Variants in SGCZ observed in about 807,000 individuals in gnomAD.
The protein encoded by SGCZ is zeta-sarcoglycan.
In SGCZ, 40 loss-of-function variants were observed where a neutral mutation model predicts 41.3. The observed-to-expected ratio is 0.97, with a 90% confidence interval of 0.75 to 1.26. The LOEUF is 1.26. Ranked by LOEUF, SGCZ falls within the 50% of genes most tolerant of loss-of-function variation. The pLI is 0.00. For missense variants in SGCZ, 552 were observed against 369.8 expected (o/e 1.49, Z -4.04); for synonymous variants, 206 against 137.5 (o/e 1.50, Z -3.49).
intron 1 of SGCZ, among the ~76,000 whole-genome samples, chr8:14,817,611 A>C (rs1801946856): frequency 6.6e-6 from 1 of 152,064 alleles, no homozygotes; most frequent in Non-Finnish European, 1.5e-5. Flanking sequence ...CAGCACTACA[A>C]CTCTGGATGC....
In SGCZ at chr8:14,588,760, T is replaced by C. The variant is rs148331390; in HGVS notation, c.40-33834A>G. ...AAGAAATGTAGTCTGTGTAGTCTAA[T>C]AGATTGATAACAAAGAATTTTTTTA... On this transcript the variant is annotated intron_variant, in intron 1 of 7. Coordinates refer to ENST00000382080, the MANE Select transcript of SGCZ (RefSeq NM_139167.4). 7.5e-3 allele frequency among the ~76,000 whole-genome samples: 1,139 copies of C among 152,284 alleles called. 16 individuals are homozygous for C. The highest frequency in any genetic ancestry group is 0.026 in the African/African-American group (1,081 of 41,578).
chr8:14,540,587 A>T (rs1254141331), intron 2 of SGCZ, among the ~76,000 whole-genome samples: 3 of 151,852 alleles, frequency 2.0e-5, no homozygotes, highest in African/African-American at 7.2e-5. Flanking sequence ...CTCCAAAAAT[A>T]GCTATATTTT....
At chr8:14,821,765 T>A (rs566939388) in intron 1 of SGCZ, among the ~76,000 whole-genome samples, 1 of 151,952 alleles carries the variant, frequency 6.6e-6, no homozygotes, top group East Asian at 1.9e-4. Flanking sequence ...AAATTCAGCA[T>A]CCCTTCATGA....
intron 1 of SGCZ, among the ~76,000 whole-genome samples, chr8:14,613,069 G>A (rs937594603): frequency 5.3e-5 from 8 of 152,170 alleles, no homozygotes; most frequent in Non-Finnish European, 1.0e-4. Context: ...GCACAAGAGG[G>A]AGGCTGCACC....
intron 5 of SGCZ, among the ~76,000 whole-genome samples, chr8:14,122,171 G>C (rs933294051): frequency 2.0e-5 from 3 of 152,192 alleles, no homozygotes; most frequent in African/African-American, 7.2e-5. Context: ...CAGCTACTCG[G>C]GAGGCTGAGG....
At chr8:15,109,385 C>G (rs1328892783) in intron 1 of SGCZ, among the ~76,000 whole-genome samples, 2 of 151,892 alleles carry the variant, frequency 1.3e-5, no homozygotes, top group Admixed American at 1.3e-4. Context: ...GGAATGTTGG[C>G]CAATTGAGTA....
chr8:14,392,513 G>A (rs1025615419), intron 2 of SGCZ, among the ~76,000 whole-genome samples: 1 of 152,164 alleles, frequency 6.6e-6, no homozygotes, highest in African/African-American at 2.4e-5. Context: ...AATGCCCAGA[G>A]ATAACAAAGC....
chr8:14,284,929 G>A (rs1585319236), intron 3 of SGCZ, among the ~76,000 whole-genome samples: 2 of 152,160 alleles, frequency 1.3e-5, no homozygotes, highest in East Asian at 3.9e-4. Context: ...CACTTTGTAT[G>A]TCTAGCATTA....
intron 1 of SGCZ, among the ~76,000 whole-genome samples, chr8:14,758,193 T>G (rs1033988133): frequency 5.3e-5 from 8 of 152,188 alleles, no homozygotes; most frequent in Admixed American, 4.6e-4. Flanking sequence ...ATATGCAATC[T>G]CATCTGCCTG....
chr8:14,373,559 T>A (rs879443617), intron 2 of SGCZ, among the ~76,000 whole-genome samples: 31 of 152,220 alleles, frequency 2.0e-4, no homozygotes, highest in African/African-American at 7.2e-4. Context: ...GATGGAAGAC[T>A]AGAGGTAGAA....
At chr8:15,211,100 T>C (rs2117159866) in intron 1 of SGCZ, among the ~76,000 whole-genome samples, 1 of 149,154 alleles carries the variant, frequency 6.7e-6, no homozygotes, top group Non-Finnish European at 1.5e-5. Flanking sequence ...TAGATATATA[T>C]AGCTATATCT....
intron 4 of SGCZ, among the ~76,000 whole-genome samples, chr8:14,217,672 C>T (rs939002325): frequency 2.1e-5 from 3 of 142,930 alleles, no homozygotes; most frequent in Non-Finnish European, 4.5e-5. Context: ...CTCTGTCACC[C>T]AGGCTGGAGT....
intron 2 of SGCZ, among the ~76,000 whole-genome samples, chr8:14,380,309 T>G (rs984389348): frequency 6.6e-6 from 1 of 152,228 alleles, no homozygotes; most frequent in Non-Finnish European, 1.5e-5. Context: ...CTTTTTCTTT[T>G]TCTTAAAGGC....
At chr8:15,114,390 C>T (rs1807188231) in intron 1 of SGCZ, among the ~76,000 whole-genome samples, 1 of 152,050 alleles carries the variant, frequency 6.6e-6, no homozygotes. Context: ...GTTTTCCCAG[C>T]CTGTGATTAG....
intron 1 of SGCZ, among the ~76,000 whole-genome samples, chr8:15,184,669 A>G (rs1160280501): frequency 6.6e-6 from 1 of 152,120 alleles, no homozygotes; most frequent in Non-Finnish European, 1.5e-5. Context: ...ATTTCTTCAC[A>G]CACACCCTTC....
At chr8:15,112,848 T>C (rs1325373861) in intron 1 of SGCZ, among the ~76,000 whole-genome samples, 1 of 152,250 alleles carries the variant, frequency 6.6e-6, no homozygotes, top group Admixed American at 6.5e-5. Context: ...TGGCAAGTTC[T>C]GTCCTACTTA....
intron 1 of SGCZ, among the ~76,000 whole-genome samples, chr8:14,808,370 C>G (rs957619234): frequency 7.2e-5 from 11 of 151,814 alleles, no homozygotes; most frequent in Non-Finnish European, 1.5e-4. Context: ...ACGATGAACT[C>G]AAACAAATTT....
intron 1 of SGCZ, among the ~76,000 whole-genome samples, chr8:15,002,521 T>C (rs1477682959): frequency 1.3e-5 from 2 of 152,068 alleles, no homozygotes; most frequent in African/African-American, 4.8e-5. Context: ...CCCAGCAGCC[T>C]CATGGATAAA....
chr8:14,719,216 G>C (rs1419606642), intron 1 of SGCZ, among the ~76,000 whole-genome samples: 1 of 149,264 alleles, frequency 6.7e-6, no homozygotes, highest in Admixed American at 6.7e-5. Flanking sequence ...GTATTCCATG[G>C]TGTATATGTG....
Sources: allele counts gnomAD v4.1 joint callset (sites outside exome capture counted in the v4.1 genomes callset), GRCh38; gene constraint gnomAD v4.1.1; transcripts MANE v1.5; gene names NCBI Gene and HGNC (gene_info 2026-07-23, HGNC 2026-07-21).